The following DLEU7 variants were observed in gnomAD, a reference collection of about 807,000 sequenced individuals.
DLEU7 encodes the protein leukemia-associated protein 7.
A neutral mutation model predicts 16.0 loss-of-function variants in DLEU7; 17 were observed. That is an observed-to-expected ratio of 1.06 (90% CI 0.73 to 1.59). DLEU7 has a LOEUF of 1.59. DLEU7 is among the 40% of genes most tolerant of loss of function. DLEU7 has a pLI of 0.00. For synonymous variants in DLEU7, 113 were observed against 139.8 expected (o/e 0.81, Z 1.35); for missense variants, 308 against 314.9 (o/e 0.98, Z 0.17).
At chr13:50,841,316 T>G (rs1109494) in intron 1 of DLEU7, among the ~76,000 whole-genome samples, 89,947 of 151,946 alleles carry the variant, frequency 0.59, 27,040 homozygotes, top group African/African-American at 0.7. Flanking sequence ...AGAGCCTCAG[T>G]CCCTTTCAGT....
At chr13:50,814,341 C>T (rs1366554097) in intron 1 of DLEU7, among the ~76,000 whole-genome samples, 2 of 152,014 alleles carry the variant, frequency 1.3e-5, no homozygotes, top group East Asian at 3.9e-4. Flanking sequence ...TCTATCCATT[C>T]ACCCAGGCAG....
chr13:50,747,321 AAAG>A (rs1484505788), intron 1 of DLEU7, among the ~76,000 whole-genome samples: 1 of 146,562 alleles, frequency 6.8e-6, no homozygotes, highest in African/African-American at 2.6e-5. Context: ...TTTAAAAAGA[AAAG>A]AAAAACTCTG....
chr13:50,836,761 TA>T (rs1877482589), intron 1 of DLEU7, among the ~76,000 whole-genome samples: 3 of 152,276 alleles, frequency 2.0e-5, no homozygotes, highest in African/African-American at 7.2e-5. Context: ...CTGTCCTTAA[TA>T]AACTTCTGCC....
chr13:50,731,718 CTGTT>C (rs1394374011), intron 1 of DLEU7, among the ~76,000 whole-genome samples: 2 of 152,194 alleles, frequency 1.3e-5, no homozygotes, highest in Non-Finnish European at 2.9e-5. Flanking sequence ...GAAAGGGAGG[CTGTT>C]TGTCTTTGTC....
At chr13:50,830,919 G>GCTA (rs1334558220) in intron 1 of DLEU7, among the ~76,000 whole-genome samples, 1 of 152,110 alleles carries the variant, frequency 6.6e-6, no homozygotes, top group Non-Finnish European at 1.5e-5. Flanking sequence ...AGCTATTATG[G>GCTA]CTATTATGCC....
rs187540844 is a variant in DLEU7 at position 50,750,285 on chromosome 13, T to C, written c.460-37045A>G. On this transcript the variant is annotated intron_variant, in intron 1 of 1. Transcript: ENST00000400393. ...TTTCTAGGTTCTCTATTCTATTCCA[T>C]TGGTCTATGTGCCTATTTTTATGCC... Among the ~76,000 whole-genome samples, 67 of 152,344 alleles carry C rather than the reference T, an allele frequency of 4.4e-4. 1 individual carries two copies. The highest frequency in any genetic ancestry group is 1.6e-3 in the African/African-American group (67 of 41,580).
rs9596348 is a variant in DLEU7, at chr13:50,769,688, A to G, written c.460-56448T>C. 7.2e-3 allele frequency among the ~76,000 whole-genome samples: 1,098 copies of G among 152,254 alleles called. 13 individuals are homozygous for G. Among genetic ancestry groups the G allele is most frequent in the African/African-American group, 0.025 (1,023 of 41,532 alleles). On this transcript the variant is annotated intron_variant, in intron 1 of 1. Transcript: ENST00000400393. ...AGTACCATGCTGTTTTGGTTACTGT[A>G]CACTTGTAGTATAGTTTGAAGTCAG...
intron 1 of DLEU7, among the ~76,000 whole-genome samples, chr13:50,780,770 A>G (rs1011262158): frequency 4.6e-5 from 7 of 152,170 alleles, no homozygotes; most frequent in African/African-American, 1.2e-4. Flanking sequence ...CCTGTGGTCA[A>G]TCTCACAGAG....
chr13:50,826,718 A>G (rs1877097662), intron 1 of DLEU7, among the ~76,000 whole-genome samples: 2 of 152,178 alleles, frequency 1.3e-5, no homozygotes, highest in South Asian at 4.1e-4. Context: ...TCATAGGGAG[A>G]ACAAGTTAAG....
intron 1 of DLEU7, among the ~76,000 whole-genome samples, chr13:50,839,669 T>G (rs1877584414): frequency 6.6e-6 from 1 of 152,186 alleles, no homozygotes; most frequent in Non-Finnish European, 1.5e-5. Flanking sequence ...AAGTCTGTTT[T>G]TGTCAATAGT....
intron 1 of DLEU7, among the ~76,000 whole-genome samples, chr13:50,785,472 T>C (rs754606036): frequency 1.1e-4 from 16 of 152,150 alleles, no homozygotes; most frequent in Non-Finnish European, 1.9e-4. Flanking sequence ...ATATGACCCA[T>C]TGGAAATTGA....
chr13:50,818,671 T>C (rs1593408345), downstream of DLEU7: 1 of 152,186 alleles, frequency 6.6e-6, no homozygotes, highest in African/African-American at 2.4e-5. Flanking sequence ...TATTCTCTTA[T>C]GGTTCTGAAG....
At chr13:50,771,922 G>A (rs1169921599) in intron 1 of DLEU7, among the ~76,000 whole-genome samples, 1 of 152,044 alleles carries the variant, frequency 6.6e-6, no homozygotes, top group Non-Finnish European at 1.5e-5. Flanking sequence ...GGTCTCTAAG[G>A]ACTTGCTTTA....
intron 1 of DLEU7, among the ~76,000 whole-genome samples, chr13:50,751,223 G>A (rs1488430955): frequency 2.0e-5 from 3 of 152,194 alleles, no homozygotes; most frequent in African/African-American, 7.2e-5. Flanking sequence ...TTTATGTGGT[G>A]TATCATATTT....
intron 1 of DLEU7, among the ~76,000 whole-genome samples, chr13:50,716,806 G>A (rs1231651293): frequency 6.6e-6 from 1 of 152,190 alleles, no homozygotes; most frequent in Admixed American, 6.5e-5. Flanking sequence ...ACTTTTAAAA[G>A]AGATCTAGTA....
Position 50,752,052 on chromosome 13 carries a change from CTTT to C in DLEU7, c.460-38815_460-38813del, listed in dbSNP as rs200928092. Among the ~76,000 whole-genome samples the C allele has an allele frequency of 4.2e-3, 565 of 135,728 alleles. 10 individuals are homozygous for C. Among genetic ancestry groups the C allele is most frequent in the Middle Eastern group, 3.8e-3 (1 of 264 alleles). The allele number at this position is 135,728 out of a possible 152,430, so 89.0% of individuals were successfully genotyped here. A position where few individuals can be genotyped will look rare whatever the true frequency, so the allele number is the denominator to read the frequency against. ...TTGTGTCAGTTTGTGCTCTTTCAGTCTTTTTTTTTTTTTTTTTGAGATGGAGTC... is the reference window on the plus strand; with the variant it reads ...TTGTGTCAGTTTGTGCTCTTTCAGTCTTTTTTTTTTTTTTGAGATGGAGTC... On this transcript the variant is annotated intron_variant, in intron 1 of 1. Transcript: ENST00000400393.
intron 1 of DLEU7, among the ~76,000 whole-genome samples, chr13:50,787,481 CA>C (rs1424947793): frequency 1.3e-5 from 2 of 152,176 alleles, no homozygotes; most frequent in East Asian, 3.9e-4. Context: ...AAAGATGGAG[CA>C]AATCAAAGGG....
chr13:50,757,011 G>A (rs1054751376), intron 1 of DLEU7, among the ~76,000 whole-genome samples: 1 of 152,218 alleles, frequency 6.6e-6, no homozygotes, highest in African/African-American at 2.4e-5. Flanking sequence ...GAGGGTGTGT[G>A]TTCAGGAGCG....
chr13:50,778,513 A>G (rs1033195450), intron 1 of DLEU7, among the ~76,000 whole-genome samples: 1 of 152,236 alleles, frequency 6.6e-6, no homozygotes, highest in African/African-American at 2.4e-5. Flanking sequence ...CATCTCATGA[A>G]CTACTGGACA....
Sources: gnomAD v4.1 joint callset for allele counts (sites outside exome capture counted in the v4.1 genomes callset) on GRCh38, gnomAD v4.1.1 for gene constraint, MANE v1.5 for transcripts, NCBI Gene and HGNC (gene_info 2026-07-23, HGNC 2026-07-21) for gene names.